HMGCLL1: variants seen among roughly 807,000 people sequenced by gnomAD.
HMGCLL1 encodes the protein 3-hydroxy-3-methylglutaryl-CoA lyase like 1.
HMGCLL1 carries 36 observed loss-of-function variants against 39.1 expected under a neutral mutation model. The observed-to-expected ratio is 0.92, with a 90% CI of 0.71 to 1.22. The LOEUF (loss-of-function observed/expected upper bound fraction) is 1.22. Ranked by LOEUF, HMGCLL1 falls within the 50% of genes most tolerant of loss-of-function variation. The probability of loss-of-function intolerance (pLI) is 0.00; values close to 1 mark genes in which losing one functional copy is unlikely to be tolerated. For missense variants in HMGCLL1, 451 were observed against 416.5 expected (o/e 1.08, Z -0.72); for synonymous variants, 149 against 144.0 (o/e 1.03, Z -0.25).
chr6:55,603,581 T>G, the HMGCLL1 span, among the ~76,000 whole-genome samples: 1 of 152,116 alleles, frequency 6.6e-6, no homozygotes, highest in Non-Finnish European at 1.5e-5. Flanking sequence ...ACTCGAGGAT[T>G]TGGGAAACAG....
chr6:55,573,223 T>G (rs925885122), intron 1 of HMGCLL1, among the ~76,000 whole-genome samples: 5 of 152,204 alleles, frequency 3.3e-5, no homozygotes, highest in Non-Finnish European at 7.3e-5. Flanking sequence ...TTAAGTTATC[T>G]CTACGCTTAT....
chr6:55,614,961 C>T, the HMGCLL1 span, among the ~76,000 whole-genome samples: 1 of 151,766 alleles, frequency 6.6e-6, no homozygotes, highest in Non-Finnish European at 1.5e-5. Flanking sequence ...AGCAGTATAA[C>T]AAGACCCCAT....
upstream of HMGCLL1, among the ~76,000 whole-genome samples, chr6:55,581,233 G>A (rs567885282): frequency 5.5e-4 from 83 of 152,106 alleles, no homozygotes; most frequent in African/African-American, 1.9e-3. Flanking sequence ...AAATTAAAAG[G>A]GTCTGAAGAA....
chr6:55,659,667 C>T, the HMGCLL1 span, among the ~76,000 whole-genome samples: 5 of 151,762 alleles, frequency 3.3e-5, no homozygotes, highest in East Asian at 9.7e-4. Flanking sequence ...GTTTAAAATT[C>T]TCATGTTTTT....
chr6:55,541,613 A>C, intron 3 of HMGCLL1, 116 bp downstream of exon 3: 1 of 616,462 alleles, frequency 1.6e-6, no homozygotes, highest in Non-Finnish European at 2.9e-6. Flanking sequence ...ACAGGTTAAT[A>C]TTTTGAAAGA....
At chr6:55,474,791 T>C (rs1397339550) in intron 7 of HMGCLL1, among the ~76,000 whole-genome samples, 1 of 151,522 alleles carries the variant, frequency 6.6e-6, no homozygotes, top group Non-Finnish European at 1.5e-5. Flanking sequence ...GGCTAGGAGT[T>C]TGGTTGCATT....
the HMGCLL1 span, among the ~76,000 whole-genome samples, chr6:55,626,800 A>G: frequency 6.6e-6 from 1 of 152,138 alleles, no homozygotes; most frequent in Admixed American, 6.6e-5. Flanking sequence ...CCTACCTTTC[A>G]GTCAAGAGGC....
intron 4 of HMGCLL1, 133 bp downstream of exon 4, chr6:55,516,375 A>T (rs1767736245): frequency 2.1e-6 from 1 of 487,076 alleles, no homozygotes; most frequent in Non-Finnish European, 3.6e-6. Flanking sequence ...TTGGAGCTCT[A>T]TGTCTTCATG....
chr6:55,487,657 T>C (rs1470905521), intron 7 of HMGCLL1, among the ~76,000 whole-genome samples: 4 of 152,094 alleles, frequency 2.6e-5, no homozygotes, highest in African/African-American at 7.2e-5. Context: ...TAGTATTCCA[T>C]GGTGTGTATG....
chr6:55,549,390 G>GTGTGTGTGTA (rs1770189154), intron 1 of HMGCLL1, among the ~76,000 whole-genome samples: 1 of 151,398 alleles, frequency 6.6e-6, no homozygotes, highest in African/African-American at 2.4e-5. Flanking sequence ...GTGTGTGTGT[G>GTGTGTGTGTA]TGTGTGTGTG....
At chr6:55,544,122 G>A (rs1023244032) in intron 1 of HMGCLL1, among the ~76,000 whole-genome samples, 2 of 151,974 alleles carry the variant, frequency 1.3e-5, no homozygotes, top group Non-Finnish European at 2.9e-5. Context: ...ATAACCCACT[G>A]GGAGCAGCCT....
At chr6:55,439,701 G>C (rs1367656830) in intron 7 of HMGCLL1, 142 bp from the exon 8 acceptor site, 6 of 804,796 alleles carry the variant, frequency 7.5e-6, no homozygotes, top group African/African-American at 5.2e-5. Context: ...GTGGCCTCTA[G>C]AATGGTCCCC....
chr6:55,502,241 G>C (rs1254059113), intron 5 of HMGCLL1, among the ~76,000 whole-genome samples: 1 of 151,568 alleles, frequency 6.6e-6, no homozygotes, highest in Non-Finnish European at 1.5e-5. Context: ...AGTTATTGCT[G>C]ATAGGAATTT....
intron 5 of HMGCLL1, among the ~76,000 whole-genome samples, chr6:55,508,498 C>T: frequency 6.6e-6 from 1 of 151,806 alleles, no homozygotes; most frequent in South Asian, 2.1e-4. Context: ...TCCAGGTATT[C>T]TGTGTTCTAA....
chr6:55,606,447 A>G, the HMGCLL1 span, among the ~76,000 whole-genome samples: 1 of 152,170 alleles, frequency 6.6e-6, no homozygotes, highest in Non-Finnish European at 1.5e-5. Context: ...ATAAGATTTG[A>G]ATGGAAGTAT....
At chr6:55,598,419 A>C in the HMGCLL1 span, among the ~76,000 whole-genome samples, 1 of 152,202 alleles carries the variant, frequency 6.6e-6, no homozygotes, top group Non-Finnish European at 1.5e-5. Flanking sequence ...GCTCAATTGC[A>C]ATTCTAGACA....
the HMGCLL1 span, among the ~76,000 whole-genome samples, chr6:55,595,218 TAC>T: frequency 6.6e-6 from 1 of 152,218 alleles, no homozygotes; most frequent in Non-Finnish European, 1.5e-5. Flanking sequence ...GAAGACTATG[TAC>T]AGAGACAACA....
At chr6:55,624,550 A>C in the HMGCLL1 span, among the ~76,000 whole-genome samples, 1 of 152,176 alleles carries the variant, frequency 6.6e-6, no homozygotes, top group East Asian at 1.9e-4. Context: ...AGGGACCTTG[A>C]TCCCTTTTCA....
the HMGCLL1 span, among the ~76,000 whole-genome samples, chr6:55,604,926 G>T: frequency 7.1e-6 from 1 of 140,192 alleles, no homozygotes; most frequent in African/African-American, 2.8e-5. Context: ...TGAGTAAAGT[G>T]CATGGAAGTT....
Sources: gnomAD v4.1 joint callset for allele counts (sites outside exome capture counted in the v4.1 genomes callset) on GRCh38, gnomAD v4.1.1 for gene constraint, MANE v1.5 for transcripts, NCBI Gene and HGNC (gene_info 2026-07-23, HGNC 2026-07-21) for gene names.